The following FNDC3A variants were observed in gnomAD, a reference collection of about 807,000 sequenced individuals.
FNDC3A encodes fibronectin type III domain containing 3A, also known as fibronectin type-III domain-containing protein 3A.
FNDC3A carries 32 observed loss-of-function variants against 148.9 expected under a neutral mutation model. The ratio of observed to expected loss-of-function variants is 0.21; its 90% confidence interval spans 0.16 to 0.29. The LOEUF is 0.29. FNDC3A is among the 10% of genes least tolerant of loss of function. The pLI is 1.00. For synonymous variants in FNDC3A, 472 were observed against 473.6 expected, an observed-to-expected ratio of 1.00 and a Z score of 0.04; for missense variants, 1,191 against 1,452.8, an observed-to-expected ratio of 0.82 and a Z score of 2.93.
chr13:49,102,175 T>C (rs945610831), intron 3 of FNDC3A, among the ~76,000 whole-genome samples: 2 of 152,008 alleles, frequency 1.3e-5, no homozygotes, highest in African/African-American at 2.4e-5. Context: ...TTTATTCTTA[T>C]TGTTTTTTCT....
chr13:49,154,203 G>T (rs1400908833), intron 8 of FNDC3A, among the ~76,000 whole-genome samples: 1 of 149,834 alleles, frequency 6.7e-6, no homozygotes, highest in African/African-American at 2.5e-5. Flanking sequence ...ATTGAGCAGT[G>T]GTTTGTAGTT....
At position 49,050,435 on chromosome 13, in the gene FNDC3A, T is replaced by C. The variant is rs1249047212; in HGVS notation, c.100-24854T>C. On this transcript the variant is annotated intron_variant, in intron 2 of 25. Transcript: ENST00000492622. ...TCAGGAGCAGGTTATTTAATTTCCA[T>C]GTATTTGCATGCTTTTGAGTATTCC... Among the ~76,000 whole-genome samples the C allele has an allele frequency of 4.6e-5, 7 of 152,390 alleles. No individual in the cohort carries two copies. In the East Asian group the frequency reaches 9.6e-4, roughly 21 times the overall value.
chr13:48,980,235 T>A (rs982514969), intron 1 of FNDC3A, among the ~76,000 whole-genome samples: 3 of 152,262 alleles, frequency 2.0e-5, no homozygotes, highest in Non-Finnish European at 4.4e-5. Context: ...ATTTAGAATT[T>A]GTATAAGGTT....
chr13:48,987,054 A>T (rs1849839742), intron 1 of FNDC3A, among the ~76,000 whole-genome samples: 1 of 152,234 alleles, frequency 6.6e-6, no homozygotes, highest in South Asian at 2.1e-4. Flanking sequence ...TTCAGTCCAA[A>T]AATCACACCA....
intron 2 of FNDC3A, among the ~76,000 whole-genome samples, chr13:49,070,891 T>TG (rs1253236011): frequency 1.4e-5 from 2 of 144,452 alleles, no homozygotes; most frequent in Non-Finnish European, 3.0e-5. Context: ...CTTTTTTTTT[T>TG]TTGTTTTGTT....
rs372013070 is a variant in FNDC3A, at chr13:49,012,259, G to A, written c.99+5970G>A. On this transcript the variant is annotated intron_variant, in intron 2 of 25. Coordinates refer to ENST00000492622, the MANE Select transcript of FNDC3A (RefSeq NM_001079673.2). ...CTCTCAAGTAGCTGGGACTACAGGC[G>A]CCTGCCACCATGCCCGGCTAATTTT... Among the ~76,000 whole-genome samples the A allele has an allele frequency of 5.3e-5, 8 of 152,020 alleles. No individual in the cohort carries two copies. The South Asian group carries it at 6.2e-4, about 12-fold the overall frequency.
intron 2 of FNDC3A, among the ~76,000 whole-genome samples, chr13:49,067,052 A>G (rs1005584625): frequency 2.6e-5 from 4 of 152,172 alleles, no homozygotes; most frequent in African/African-American, 9.7e-5. Flanking sequence ...CTTATAATAG[A>G]CATGACGAGA....
At chr13:48,985,760 A>G (rs1330733203) in intron 1 of FNDC3A, among the ~76,000 whole-genome samples, 1 of 152,218 alleles carries the variant, frequency 6.6e-6, no homozygotes, top group Admixed American at 6.5e-5. Flanking sequence ...AAAGACTGGA[A>G]GGGTACACCA....
chr13:49,065,973 G>T (rs1208743512), intron 2 of FNDC3A, among the ~76,000 whole-genome samples: 1 of 152,038 alleles, frequency 6.6e-6, no homozygotes, highest in Admixed American at 6.5e-5. Context: ...AAACATTCAA[G>T]TTTATGCTAA....
At chr13:49,051,862 C>T (rs1274452671) in intron 2 of FNDC3A, among the ~76,000 whole-genome samples, 1 of 152,068 alleles carries the variant, frequency 6.6e-6, no homozygotes, top group Non-Finnish European at 1.5e-5. Flanking sequence ...AGGCTTTGTT[C>T]ATATTTTTAA....
At chr13:49,069,640 C>A (rs1593545699) in intron 2 of FNDC3A, among the ~76,000 whole-genome samples, 1 of 152,176 alleles carries the variant, frequency 6.6e-6, no homozygotes, top group Non-Finnish European at 1.5e-5. Flanking sequence ...CATACACATA[C>A]ACACAAGTGC....
intron 3 of FNDC3A, 106 bp downstream of exon 3, chr13:49,075,470 C>G (rs528981452): frequency 3.1e-6 from 2 of 639,528 alleles, no homozygotes; most frequent in Non-Finnish European, 2.8e-6. Context: ...TTCTCACTAC[C>G]AGCACACAAA....
intron 17 of FNDC3A, among the ~76,000 whole-genome samples, chr13:49,189,255 G>C (rs754138328): frequency 1.3e-5 from 2 of 151,110 alleles, no homozygotes; most frequent in Non-Finnish European, 2.9e-5. Flanking sequence ...CTGCCTCCTG[G>C]GTTCTGCAAC....
intron 3 of FNDC3A, among the ~76,000 whole-genome samples, chr13:49,098,207 T>A (rs1193962240): frequency 2.0e-5 from 3 of 152,092 alleles, no homozygotes; most frequent in African/African-American, 7.2e-5. Flanking sequence ...AGCACAACCC[T>A]TTTTGACACT....
intron 3 of FNDC3A, among the ~76,000 whole-genome samples, chr13:49,093,347 T>C (rs1191450499): frequency 2.0e-5 from 3 of 152,220 alleles, no homozygotes; most frequent in Non-Finnish European, 4.4e-5. Flanking sequence ...TATTGCCTTA[T>C]AGATCCTCAA....
chr13:49,100,133 G>C (rs910120864), intron 3 of FNDC3A, among the ~76,000 whole-genome samples: 22 of 152,030 alleles, frequency 1.4e-4, no homozygotes, highest in African/African-American at 4.8e-4. Flanking sequence ...CCAATATTCA[G>C]ATACTCAATA....
chr13:48,991,216 G>A (rs1399578612), intron 1 of FNDC3A, among the ~76,000 whole-genome samples: 1 of 152,150 alleles, frequency 6.6e-6, no homozygotes, highest in Non-Finnish European at 1.5e-5. Context: ...CTTTAAGTGA[G>A]TTAAAAGGAT....
intron 2 of FNDC3A, among the ~76,000 whole-genome samples, chr13:49,017,763 C>T (rs375977664): frequency 7.2e-5 from 11 of 151,848 alleles, no homozygotes; most frequent in South Asian, 2.1e-4. Flanking sequence ...CCATGTTTAG[C>T]GCTTCCTTCA....
chr13:49,043,896 A>C (rs1348828440), intron 2 of FNDC3A, among the ~76,000 whole-genome samples: 1 of 152,254 alleles, frequency 6.6e-6, no homozygotes, highest in South Asian at 2.1e-4. Flanking sequence ...TGACCTGAAG[A>C]CTTGATCATC....
Sources: allele counts gnomAD v4.1 joint callset (sites outside exome capture counted in the v4.1 genomes callset), GRCh38; gene constraint gnomAD v4.1.1; transcripts MANE v1.5; gene names NCBI Gene and HGNC (gene_info 2026-07-23, HGNC 2026-07-21).